Variants in TECRL observed in about 807,000 individuals in gnomAD.
TECRL encodes trans-2,3-enoyl-CoA reductase like, also known as trans-2,3-enoyl-CoA reductase-like.
A neutral mutation model predicts 52.8 loss-of-function variants in TECRL; 63 were observed. The ratio of observed to expected loss-of-function variants is 1.19; its 90% confidence interval spans 0.97 to 1.47. The LOEUF (loss-of-function observed/expected upper bound fraction) is 1.47. Among genes scored for constraint, TECRL ranks in the 40% most tolerant of loss-of-function variants. TECRL has a pLI of 0.00. For synonymous variants in TECRL, 164 were observed against 141.9 expected, an observed-to-expected ratio of 1.16 and a Z score of -1.10; for missense variants, 482 against 429.6, an observed-to-expected ratio of 1.12 and a Z score of -1.08.
chr4:64,283,364 G>T (rs1159295934), intron 9 of TECRL, among the ~76,000 whole-genome samples: 1 of 152,004 alleles, frequency 6.6e-6, no homozygotes, highest in East Asian at 1.9e-4. Context: ...AGCAGATGTT[G>T]GAATGGCATT....
chr4:64,356,570 C>T (rs1408102330), intron 2 of TECRL, among the ~76,000 whole-genome samples: 2 of 152,090 alleles, frequency 1.3e-5, no homozygotes, highest in Admixed American at 6.5e-5. Flanking sequence ...AGGCATAGTA[C>T]CTCCCCTTGA....
chr4:64,406,825 G>A (rs1351594521), intron 1 of TECRL, among the ~76,000 whole-genome samples: 1 of 151,842 alleles, frequency 6.6e-6, no homozygotes, highest in Non-Finnish European at 1.5e-5. Context: ...ATTGAAAGAC[G>A]GGCACTAAGT....
intron 1 of TECRL, among the ~76,000 whole-genome samples, chr4:64,384,293 A>C (rs1723021011): frequency 6.6e-6 from 1 of 151,974 alleles, no homozygotes; most frequent in Non-Finnish European, 1.5e-5. Flanking sequence ...TGGGGTGTTC[A>C]TGCCAGTCCT....
downstream of TECRL, chr4:64,277,070 A>G: frequency 6.7e-7 from 1 of 1,488,286 alleles, no homozygotes; most frequent in South Asian, 1.3e-5. Flanking sequence ...AAAAATGAGA[A>G]ATAAATTTAA....
At chr4:64,381,020 T>C (rs1722755508) in intron 1 of TECRL, among the ~76,000 whole-genome samples, 1 of 152,066 alleles carries the variant, frequency 6.6e-6, no homozygotes, top group Admixed American at 6.6e-5. Flanking sequence ...TTAATTCTTC[T>C]AATCCATTAG....
chr4:64,394,587 G>A (rs532890752), intron 1 of TECRL, among the ~76,000 whole-genome samples: 1 of 152,208 alleles, frequency 6.6e-6, no homozygotes, highest in East Asian at 1.9e-4. Flanking sequence ...GACCCAAAGT[G>A]GATATTAACA....
intron 8 of TECRL, chr4:64,299,180 T>C (rs372233998): frequency 2.0e-5 from 3 of 151,058 alleles, no homozygotes; most frequent in Non-Finnish European, 4.5e-5. Context: ...ACTAAAGATA[T>C]GTAGAGAGAG....
At chr4:64,322,559 AAT>A (rs1717978907) in intron 4 of TECRL, 128 bp downstream of exon 4, 1 of 540,450 alleles carries the variant, frequency 1.9e-6, no homozygotes, top group African/African-American at 2.0e-5. Flanking sequence ...TCATAGTAAG[AAT>A]AGAAAATTAA....
intron 3 of TECRL, 105 bp from the exon 4 acceptor site, chr4:64,322,897 A>G (rs1718006326): frequency 3.7e-6 from 3 of 801,222 alleles, no homozygotes; most frequent in South Asian, 2.3e-5. Context: ...TTAATTTAAT[A>G]TGGAAATTAC....
At chr4:64,323,261 G>A (rs559603084) in intron 3 of TECRL, among the ~76,000 whole-genome samples, 11 of 152,074 alleles carry the variant, frequency 7.2e-5, no homozygotes, top group African/African-American at 2.7e-4. Flanking sequence ...GCCAGGCATG[G>A]TGCTGTGTGC....
chr4:64,322,538 T>C, intron 4 of TECRL, 151 bp downstream of exon 4: 1 of 429,962 alleles, frequency 2.3e-6, no homozygotes, highest in South Asian at 1.1e-4. Flanking sequence ...GAGTAGAACT[T>C]TGGCCACTCG....
chr4:64,351,748 G>A (rs981366242), intron 2 of TECRL, among the ~76,000 whole-genome samples: 3 of 152,092 alleles, frequency 2.0e-5, no homozygotes, highest in Non-Finnish European at 2.9e-5. Flanking sequence ...TTAAAACATT[G>A]TACATGACAA....
chr4:64,355,799 A>AAAAAG lies in TECRL; in HGVS notation c.286+19372_286+19373insCTTTT, dbSNP rs1720730356. ...AACAGAGTGAGACTCTGTCTCAAAA[A>AAAAAG]AAAAAAAGAATAAGTTAAAACATTA... On this transcript the variant is annotated intron_variant, in intron 2 of 11. Transcript: ENST00000381210. 2.5e-5 allele frequency among the ~76,000 whole-genome samples: 2 copies of AAAAAG among 80,156 alleles called. 1 individual carries two copies. Among genetic ancestry groups the AAAAAG allele is most frequent in the Non-Finnish European group, 7.0e-5 (2 of 28,706 alleles). 52.6% of individuals were successfully genotyped at this position (80,156 alleles called of 152,430 possible). A position where few individuals can be genotyped will look rare whatever the true frequency, so the allele number is the denominator to read the frequency against.
At chr4:64,303,827 T>G (rs1416160219) in intron 7 of TECRL, among the ~76,000 whole-genome samples, 1 of 151,824 alleles carries the variant, frequency 6.6e-6, no homozygotes, top group African/African-American at 2.4e-5. Flanking sequence ...CCATGTTAAG[T>G]GTGGACTTCC....
intron 2 of TECRL, among the ~76,000 whole-genome samples, chr4:64,368,462 A>C (rs1721763974): frequency 7.1e-6 from 1 of 140,898 alleles, no homozygotes; most frequent in African/African-American, 2.6e-5. Context: ...CACCCAGCTA[A>C]TTTTTGTATT....
At position 64,322,663 on chromosome 4, in the gene TECRL, A is replaced by G. The variant is rs750262885; in HGVS notation, c.435+26T>C. On this transcript the variant is annotated intron_variant, in intron 4 of 11. Transcript: ENST00000381210. The stretch of plus-strand genomic sequence containing the variant: ...ATTTAGAGCAAAATATGAGAAATGT[A>G]TATTACATTTCAAATTAACACTTAC... 12 of 1,489,806 alleles carry G rather than the reference A, an allele frequency of 8.1e-6. No individual in the cohort carries two copies. In the Middle Eastern group the frequency reaches 1.2e-3, roughly 153 times the overall value. The allele number at this position is 1,489,806 out of a possible 1,614,324, so 92.3% of individuals were successfully genotyped here.
intron 4 of TECRL, among the ~76,000 whole-genome samples, chr4:64,318,590 G>C (rs1042687100): frequency 3.9e-5 from 6 of 151,924 alleles, no homozygotes; most frequent in African/African-American, 1.4e-4. Context: ...GAATTGTTTA[G>C]AAAAGACACA....
chr4:64,352,839 C>G (rs1035232566), intron 2 of TECRL, among the ~76,000 whole-genome samples: 1 of 152,118 alleles, frequency 6.6e-6, no homozygotes, highest in Non-Finnish European at 1.5e-5. Flanking sequence ...ACAAATATAT[C>G]TCTAAAAAAA....
intron 1 of TECRL, among the ~76,000 whole-genome samples, chr4:64,396,003 GTC>G (rs1261773898): frequency 6.6e-6 from 1 of 152,088 alleles, no homozygotes; most frequent in Non-Finnish European, 1.5e-5. Context: ...AAGGACATGA[GTC>G]TGTTTTTTTA....
Sources: gnomAD v4.1 joint callset for allele counts (sites outside exome capture counted in the v4.1 genomes callset) on GRCh38, gnomAD v4.1.1 for gene constraint, MANE v1.5 for transcripts, NCBI Gene and HGNC (gene_info 2026-07-23, HGNC 2026-07-21) for gene names.